SNCAIP: variants seen among roughly 807,000 people sequenced by gnomAD.
SNCAIP encodes synuclein alpha interacting protein, also known as synphilin-1.
In SNCAIP, 43 loss-of-function variants were observed where a neutral mutation model predicts 86.7. The ratio of observed to expected loss-of-function variants is 0.50; its 90% confidence interval spans 0.39 to 0.64. SNCAIP has a LOEUF of 0.64. Ranked by LOEUF, SNCAIP falls within the 30% of genes least tolerant of loss-of-function variation. The pLI is 0.00. For synonymous variants in SNCAIP, 417 were observed against 427.2 expected (o/e 0.98, Z 0.29); for missense variants, 981 against 1,103.1 (o/e 0.89, Z 1.57).
At chr5:122,442,942 A>T (rs1245368318) in intron 7 of SNCAIP, among the ~76,000 whole-genome samples, 1 of 152,200 alleles carries the variant, frequency 6.6e-6, no homozygotes, top group African/African-American at 2.4e-5. Flanking sequence ...GAGAGTGAGC[A>T]AGGGACCCTA....
rs565648197 is a variant in SNCAIP at position 122,414,277 on chromosome 5, C to CTGG, written c.131-8590_131-8588dup. On this transcript the variant is annotated intron_variant, in intron 3 of 10. Transcript: ENST00000261368. The stretch of plus-strand genomic sequence containing the variant: ...AGACAGTCTTGCTCTGTTGCCCAGG[C>CTGG]TGGAGTGCAATGGCACAATCTCAGC... Among the ~76,000 whole-genome samples, 56 of 150,984 alleles carry CTGG rather than the reference C, an allele frequency of 3.7e-4. No homozygotes were observed. The East Asian group carries it at 9.5e-3, about 26-fold the overall frequency.
intron 1 of SNCAIP, among the ~76,000 whole-genome samples, chr5:122,361,745 A>G (rs1026733234): frequency 2.2e-4 from 33 of 152,156 alleles, no homozygotes; most frequent in African/African-American, 7.7e-4. Flanking sequence ...TGCTCACGCC[A>G]TCCCCCAGAT....
intron 1 of SNCAIP, among the ~76,000 whole-genome samples, chr5:122,347,808 T>C (rs1758918535): frequency 6.6e-6 from 1 of 152,086 alleles, no homozygotes; most frequent in Non-Finnish European, 1.5e-5. Flanking sequence ...TCACCTAACA[T>C]AGGACCATGA....
intron 1 of SNCAIP, among the ~76,000 whole-genome samples, chr5:122,354,306 A>T (rs1341244013): frequency 6.6e-6 from 1 of 152,122 alleles, no homozygotes. Context: ...TTCAAGGAAA[A>T]ATATTTTGAG....
chr5:122,383,416 ACCCACTGACCTGCG>A (rs1767397589), intron 1 of SNCAIP: 1 of 152,898 alleles, frequency 6.5e-6, no homozygotes, highest in African/African-American at 2.4e-5. Flanking sequence ...CGGTGCGCGC[ACCCACTGACCTGCG>A]CCCACTGTCT....
chr5:122,379,659 T>A (rs1345615058), intron 1 of SNCAIP, among the ~76,000 whole-genome samples: 2 of 152,012 alleles, frequency 1.3e-5, no homozygotes, highest in African/African-American at 2.4e-5. Context: ...CCATTCAGTA[T>A]GATATTGGCT....
intron 10 of SNCAIP, among the ~76,000 whole-genome samples, chr5:122,453,451 AGCAAGGCCTTGCCAT>A (rs1784113767): frequency 6.6e-6 from 1 of 152,214 alleles, no homozygotes; most frequent in South Asian, 2.1e-4. Flanking sequence ...TCTCAGGAGA[AGCAAGGCCTTGCCAT>A]TCTGAAATTT....
chr5:122,370,140 T>C (rs560603472), intron 1 of SNCAIP: 3 of 152,240 alleles, frequency 2.0e-5, no homozygotes, highest in Non-Finnish European at 2.9e-5. Flanking sequence ...AATTTGATCA[T>C]TACACATTGT....
chr5:122,345,894 C>T (rs961698993), intron 1 of SNCAIP, among the ~76,000 whole-genome samples: 1 of 151,946 alleles, frequency 6.6e-6, no homozygotes, highest in African/African-American at 2.4e-5. Flanking sequence ...TTCGAGCAAC[C>T]CTCCTAACTT....
chr5:122,451,790 T>C (rs182800649), intron 10 of SNCAIP, 189 bp downstream of exon 10: 197 of 572,100 alleles, frequency 3.4e-4, no homozygotes, highest in African/African-American at 3.2e-3. Context: ...CCCCTTGCTC[T>C]TCTTTTGGAA....
chr5:122,332,294 T>G (rs1755524611), intron 1 of SNCAIP, among the ~76,000 whole-genome samples: 1 of 152,248 alleles, frequency 6.6e-6, no homozygotes, highest in Admixed American at 6.5e-5. Flanking sequence ...TTACAAAAAT[T>G]TTTATAAAGA....
intron 1 of SNCAIP, among the ~76,000 whole-genome samples, chr5:122,349,160 G>A (rs1367052634): frequency 2.6e-5 from 4 of 152,064 alleles, no homozygotes; most frequent in Non-Finnish European, 5.9e-5. Context: ...TGATTCCTTC[G>A]TTTAAACCAC....
intron 1 of SNCAIP, among the ~76,000 whole-genome samples, chr5:122,325,895 T>C (rs921489904): frequency 1.3e-5 from 2 of 152,172 alleles, no homozygotes; most frequent in Non-Finnish European, 2.9e-5. Context: ...GTGGCAGAAC[T>C]AAAAAGTGAA....
chr5:122,370,697 T>C (rs1262760876), intron 1 of SNCAIP, among the ~76,000 whole-genome samples: 1 of 152,228 alleles, frequency 6.6e-6, no homozygotes, highest in East Asian at 1.9e-4. Flanking sequence ...AGTCTAGATA[T>C]AACCCTGAAG....
intron 2 of SNCAIP, among the ~76,000 whole-genome samples, chr5:122,396,509 G>C (rs1770651128): frequency 6.6e-6 from 1 of 152,112 alleles, no homozygotes. Flanking sequence ...GAAATTATTA[G>C]ATTGACTATG....
intron 3 of SNCAIP, among the ~76,000 whole-genome samples, chr5:122,409,678 T>C (rs959877365): frequency 6.6e-6 from 1 of 152,220 alleles, no homozygotes; most frequent in African/African-American, 2.4e-5. Flanking sequence ...TTTTGAACCC[T>C]GTGCATGCAA....
At chr5:122,406,193 C>T (rs778508618) in intron 3 of SNCAIP, among the ~76,000 whole-genome samples, 19 of 152,118 alleles carry the variant, frequency 1.2e-4, no homozygotes, top group African/African-American at 2.2e-4. Context: ...ATGAAGTTTT[C>T]GGAGCTGGTT....
intron 1 of SNCAIP, among the ~76,000 whole-genome samples, chr5:122,334,511 A>G (rs1223063988): frequency 5.3e-5 from 8 of 152,232 alleles, no homozygotes; most frequent in African/African-American, 1.9e-4. Context: ...TTTAAGGTCA[A>G]CTGTTGACTA....
At chr5:122,378,447 G>A (rs1334429954) in intron 1 of SNCAIP, among the ~76,000 whole-genome samples, 1 of 139,312 alleles carries the variant, frequency 7.2e-6, no homozygotes, top group African/African-American at 2.7e-5. Flanking sequence ...TTAGCCCTTT[G>A]TCAGATGAGT....
Sources: gnomAD v4.1 joint callset for allele counts (sites outside exome capture counted in the v4.1 genomes callset) on GRCh38, gnomAD v4.1.1 for gene constraint, MANE v1.5 for transcripts, NCBI Gene and HGNC (gene_info 2026-07-23, HGNC 2026-07-21) for gene names.